Variants in GABRB2 observed in about 807,000 individuals in gnomAD.
GABRB2 encodes gamma-aminobutyric acid receptor subunit beta-2.
A neutral mutation model predicts 54.7 loss-of-function variants in GABRB2; 16 were observed. The observed-to-expected ratio is 0.29, with a 90% CI of 0.20 to 0.44. The LOEUF (loss-of-function observed/expected upper bound fraction) is 0.44, where lower values mean the gene tolerates loss of function less well. Ranked by LOEUF, GABRB2 falls within the 20% of genes least tolerant of loss-of-function variation. The probability of loss-of-function intolerance (pLI) is 1.00; values close to 1 mark genes in which losing one functional copy is unlikely to be tolerated. For missense variants in GABRB2, 355 were observed against 644.0 expected, an observed-to-expected ratio of 0.55 and a Z score of 4.86; for synonymous variants, 244 against 233.8, an observed-to-expected ratio of 1.04 and a Z score of -0.40.
chr5:161,535,162 T>C (rs897172998), intron 3 of GABRB2, among the ~76,000 whole-genome samples: 1 of 152,180 alleles, frequency 6.6e-6, no homozygotes, highest in Admixed American at 6.5e-5. Context: ...AGAATCAACA[T>C]CTTCAACTCC....
At chr5:161,394,436 A>G (rs1347734365) in intron 5 of GABRB2, among the ~76,000 whole-genome samples, 2 of 152,058 alleles carry the variant, frequency 1.3e-5, no homozygotes, top group African/African-American at 4.8e-5. Flanking sequence ...TGAAAATACT[A>G]ACAAAATTGA....
At chr5:161,405,174 C>T (rs939902728) in intron 5 of GABRB2, among the ~76,000 whole-genome samples, 1 of 152,140 alleles carries the variant, frequency 6.6e-6, no homozygotes, top group South Asian at 2.1e-4. Context: ...CCTTCCTAGC[C>T]TCAGTGTTCC....
At chr5:161,344,326 C>T (rs902232957) in intron 5 of GABRB2, among the ~76,000 whole-genome samples, 4 of 151,930 alleles carry the variant, frequency 2.6e-5, no homozygotes, top group African/African-American at 9.7e-5. Context: ...GGGGCTAGGT[C>T]CAAAATTTTT....
intron 5 of GABRB2, among the ~76,000 whole-genome samples, chr5:161,374,455 G>T (rs989844215): frequency 1.3e-5 from 2 of 152,058 alleles, no homozygotes. Flanking sequence ...GCTGTTCATT[G>T]AACCCATCAG....
chr5:161,485,207 C>T (rs911626840), intron 3 of GABRB2, among the ~76,000 whole-genome samples: 14 of 152,068 alleles, frequency 9.2e-5, no homozygotes, highest in African/African-American at 3.4e-4. Flanking sequence ...CTGGGTTAGA[C>T]GCCTTCCAGT....
intron 4 of GABRB2, among the ~76,000 whole-genome samples, chr5:161,427,336 G>A (rs1034657946): frequency 2.6e-5 from 4 of 152,160 alleles, no homozygotes; most frequent in Non-Finnish European, 5.9e-5. Flanking sequence ...TGACTTGGAG[G>A]ATTTGGGTTA....
In GABRB2 at chr5:161,534,760, G is replaced by A. The variant is rs963233592; in HGVS notation, c.237+10467C>T. ...TTATGATTAACTGTATTTATATTAC[G>A]TGGAATAGAGCGAGGAAAAACTGGA... On this transcript the variant is annotated intron_variant, in intron 3 of 9. Transcript: ENST00000393959. Among the ~76,000 whole-genome samples the A allele has an allele frequency of 3.3e-5, 5 of 151,990 alleles. No individual in the cohort carries two copies. The East Asian group carries it at 7.7e-4, about 23-fold the overall frequency.
At chr5:161,546,278 AGCTTC>A (rs1449063463) in intron 2 of GABRB2, 39 bp downstream of exon 2, 5 of 1,514,682 alleles carry the variant, frequency 3.3e-6, no homozygotes, top group Non-Finnish European at 4.6e-6. Flanking sequence ...CTCAAAAGAC[AGCTTC>A]GGCTGTGGCT....
At chr5:161,354,821 TTG>T (rs1643385582) in intron 5 of GABRB2, among the ~76,000 whole-genome samples, 1 of 152,092 alleles carries the variant, frequency 6.6e-6, no homozygotes, top group Admixed American at 6.6e-5. Flanking sequence ...AAAATTACTT[TTG>T]TAATTAAAAG....
At chr5:161,436,947 C>T (rs1251720419) in intron 4 of GABRB2, among the ~76,000 whole-genome samples, 1 of 152,018 alleles carries the variant, frequency 6.6e-6, no homozygotes, top group Non-Finnish European at 1.5e-5. Context: ...TTAAACCAGC[C>T]CTAGCCAGAG....
At chr5:161,486,725 A>T (rs1758937176) in intron 3 of GABRB2, among the ~76,000 whole-genome samples, 1 of 151,986 alleles carries the variant, frequency 6.6e-6, no homozygotes, top group African/African-American at 2.4e-5. Flanking sequence ...ATTCAGTTCT[A>T]TCCTCCTAAG....
At chr5:161,547,579 G>C (rs150154329), upstream of GABRB2, among the ~76,000 whole-genome samples, 18 of 152,112 alleles carry the variant, frequency 1.2e-4, no homozygotes, top group South Asian at 2.1e-4. Context: ...AGGAGGGGAG[G>C]GGGGCGAGGG....
chr5:161,415,992 G>T (rs1327890961), intron 4 of GABRB2, among the ~76,000 whole-genome samples: 2 of 147,904 alleles, frequency 1.4e-5, no homozygotes, highest in South Asian at 2.2e-4. Context: ...ATGCTGGAGG[G>T]CAGTGGAATG....
chr5:161,306,834 TA>T (rs1580965039), intron 9 of GABRB2, among the ~76,000 whole-genome samples: 1 of 152,204 alleles, frequency 6.6e-6, no homozygotes, highest in East Asian at 1.9e-4. Context: ...GACTCAGCAC[TA>T]ATTAATAAAA....
chr5:161,456,381 T>C (rs1029542571), intron 4 of GABRB2, among the ~76,000 whole-genome samples: 2 of 152,202 alleles, frequency 1.3e-5, no homozygotes, highest in Admixed American at 6.5e-5. Context: ...AGGTTGTTCA[T>C]TAGGGCCTTA....
intron 4 of GABRB2, among the ~76,000 whole-genome samples, chr5:161,431,400 A>T (rs1757167023): frequency 6.6e-6 from 1 of 152,162 alleles, no homozygotes; most frequent in South Asian, 2.1e-4. Context: ...GAAAAATATC[A>T]TTGCAAGAGA....
chr5:161,305,317 A>G (rs1490938263), intron 9 of GABRB2, among the ~76,000 whole-genome samples: 2 of 152,216 alleles, frequency 1.3e-5, no homozygotes, highest in Non-Finnish European at 1.5e-5. Context: ...CGCCCGGCCG[A>G]TATATCAATT....
chr5:161,542,085 A>G (rs1760838271), intron 3 of GABRB2, among the ~76,000 whole-genome samples: 1 of 152,204 alleles, frequency 6.6e-6, no homozygotes, highest in African/African-American at 2.4e-5. Flanking sequence ...GGGATGACCC[A>G]TTGGTGGAAC....
chr5:161,545,341 A>G, intron 2 of GABRB2, 47 bp from the exon 3 acceptor site: 1 of 1,467,050 alleles, frequency 6.8e-7, no homozygotes, highest in Non-Finnish European at 9.3e-7. Context: ...AACTTCATTC[A>G]TTCTCAGCAA....
Sources: gnomAD v4.1 joint callset for allele counts (sites outside exome capture counted in the v4.1 genomes callset) on GRCh38, gnomAD v4.1.1 for gene constraint, MANE v1.5 for transcripts, NCBI Gene and HGNC (gene_info 2026-07-23, HGNC 2026-07-21) for gene names.